Variants in C12orf42 observed in about 807,000 individuals in gnomAD.
The protein encoded by C12orf42 is uncharacterized protein C12orf42.
C12orf42 carries 25 observed loss-of-function variants against 21.6 expected under a neutral mutation model. The observed-to-expected ratio is 1.16, with a 90% CI of 0.84 to 1.62. C12orf42 has a LOEUF of 1.62. Among genes scored for constraint, C12orf42 ranks in the 40% most tolerant of loss-of-function variants. The pLI is 0.00. For synonymous variants in C12orf42, 174 were observed against 175.0 expected (o/e 0.99, Z 0.05); for missense variants, 483 against 459.3 (o/e 1.05, Z -0.47).
chr12:103,176,976 T>A, the C12orf42 span, among the ~76,000 whole-genome samples: 1 of 152,028 alleles, frequency 6.6e-6, no homozygotes, highest in Non-Finnish European at 1.5e-5. Context: ...AAAAAAAAAA[T>A]TCTCCTCAAA....
At chr12:103,196,982 A>T in the C12orf42 span, among the ~76,000 whole-genome samples, 1 of 152,068 alleles carries the variant, frequency 6.6e-6, no homozygotes, top group Admixed American at 6.6e-5. Context: ...TGGTATGTAG[A>T]CTTAATTGTA....
At chr12:103,214,404 G>A in the C12orf42 span, among the ~76,000 whole-genome samples, 1 of 152,130 alleles carries the variant, frequency 6.6e-6, no homozygotes, top group African/African-American at 2.4e-5. Context: ...ACAGAACAAT[G>A]GTCTGAACAT....
downstream of C12orf42, among the ~76,000 whole-genome samples, chr12:103,236,996 CT>C (rs2033489739): frequency 6.6e-6 from 1 of 152,200 alleles, no homozygotes; most frequent in Non-Finnish European, 1.5e-5. Context: ...TGTCTGCGCT[CT>C]GCAAAAGGTG....
the C12orf42 span, among the ~76,000 whole-genome samples, chr12:103,206,712 T>C: frequency 1.3e-5 from 2 of 152,162 alleles, no homozygotes; most frequent in African/African-American, 2.4e-5. Flanking sequence ...TTGAAAACAG[T>C]TTCTCCTAGG....
intron 2 of C12orf42, among the ~76,000 whole-genome samples, chr12:103,410,889 A>G (rs960311368): frequency 6.6e-6 from 1 of 152,192 alleles, no homozygotes; most frequent in Non-Finnish European, 1.5e-5. Flanking sequence ...AGCACATCTC[A>G]GCAACTGTAT....
At chr12:103,192,644 G>A in the C12orf42 span, among the ~76,000 whole-genome samples, 6 of 152,132 alleles carry the variant, frequency 3.9e-5, no homozygotes, top group South Asian at 1.0e-3. Context: ...TGTCACAAGA[G>A]ACAAAATAGG....
chr12:103,538,591 T>G, the C12orf42 span, among the ~76,000 whole-genome samples: 1 of 152,336 alleles, frequency 6.6e-6, no homozygotes, highest in African/African-American at 2.4e-5. Flanking sequence ...GGCATAAAGT[T>G]TGTCAGACCT....
At chr12:103,259,389 C>G (rs1236670127) in intron 10 of C12orf42, among the ~76,000 whole-genome samples, 1 of 152,150 alleles carries the variant, frequency 6.6e-6, no homozygotes, top group Non-Finnish European at 1.5e-5. Context: ...AGCAATTCTC[C>G]TGCCTCAGCC....
chr12:103,156,322 T>C, the C12orf42 span: 1 of 152,008 alleles, frequency 6.6e-6, no homozygotes, highest in Non-Finnish European at 1.5e-5. Flanking sequence ...GGTGGTTGCA[T>C]TTGGGGGTGG....
At chr12:103,517,596 C>A in the C12orf42 span, among the ~76,000 whole-genome samples, 147 of 152,212 alleles carry the variant, frequency 9.7e-4, no homozygotes, top group East Asian at 9.1e-3. Flanking sequence ...CACTTCTTTT[C>A]TGATTTTTTT....
downstream of C12orf42, among the ~76,000 whole-genome samples, chr12:103,234,613 C>CT (rs1565985605): frequency 1.3e-5 from 2 of 152,036 alleles, no homozygotes; most frequent in African/African-American, 4.8e-5. Flanking sequence ...CTTTCTTGGA[C>CT]TTTTTTCCAA....
the C12orf42 span, among the ~76,000 whole-genome samples, chr12:103,079,960 T>C: frequency 3.9e-5 from 6 of 152,236 alleles, no homozygotes; most frequent in Non-Finnish European, 7.3e-5. Flanking sequence ...GTCTATTCCA[T>C]CTAGTCTGTA....
At chr12:103,457,395 A>C (rs983997298) in intron 2 of C12orf42, among the ~76,000 whole-genome samples, 11 of 152,178 alleles carry the variant, frequency 7.2e-5, no homozygotes, top group African/African-American at 1.4e-4. Flanking sequence ...TTTATACCCC[A>C]AAAATTGCTA....
the C12orf42 span, among the ~76,000 whole-genome samples, chr12:103,511,456 T>C: frequency 3.9e-5 from 6 of 152,028 alleles, no homozygotes; most frequent in East Asian, 1.2e-3. Context: ...CATGTGTCTA[T>C]TCATATGAAA....
At chr12:103,458,143 C>A (rs1433430745) in intron 2 of C12orf42, among the ~76,000 whole-genome samples, 1 of 152,136 alleles carries the variant, frequency 6.6e-6, no homozygotes, top group Non-Finnish European at 1.5e-5. Context: ...TGCATAATAA[C>A]CACTTTTGGA....
At chr12:103,160,369 A>G in the C12orf42 span, among the ~76,000 whole-genome samples, 1 of 152,226 alleles carries the variant, frequency 6.6e-6, no homozygotes, top group Non-Finnish European at 1.5e-5. Context: ...AGTCAATGTG[A>G]AAGGTTTATA....
chr12:103,414,063 T>C (rs1203539119), intron 2 of C12orf42, among the ~76,000 whole-genome samples: 1 of 152,140 alleles, frequency 6.6e-6, no homozygotes, highest in Non-Finnish European at 1.5e-5. Flanking sequence ...CTTTAAGGAA[T>C]CTCCATATAG....
chr12:103,430,975 A>G (rs1950220960), intron 2 of C12orf42, among the ~76,000 whole-genome samples: 1 of 152,090 alleles, frequency 6.6e-6, no homozygotes, highest in African/African-American at 2.4e-5. Flanking sequence ...GGGTAGGGAG[A>G]TAGGGAAGGG....
chr12:103,069,011 T>G, the C12orf42 span, among the ~76,000 whole-genome samples: 32 of 124,854 alleles, frequency 2.6e-4, no homozygotes, highest in African/African-American at 9.2e-4. Flanking sequence ...GTTCTGTCCC[T>G]CAAGAGAACC....
Sources: gnomAD v4.1 joint callset for allele counts (sites outside exome capture counted in the v4.1 genomes callset) on GRCh38, gnomAD v4.1.1 for gene constraint, MANE v1.5 for transcripts, NCBI Gene and HGNC (gene_info 2026-07-23, HGNC 2026-07-21) for gene names.